The following PCDHA2 variants were observed in gnomAD, a reference collection of about 807,000 sequenced individuals.
PCDHA2 encodes protocadherin alpha 2.
A neutral mutation model predicts 66.0 loss-of-function variants in PCDHA2; 58 were observed. That is an observed-to-expected ratio of 0.88 (90% CI 0.71 to 1.09). PCDHA2 has a LOEUF of 1.09. PCDHA2 is among the 50% of genes least tolerant of loss of function. PCDHA2 has a pLI of 0.00. For synonymous variants in PCDHA2, 634 were observed against 554.0 expected, an observed-to-expected ratio of 1.14 and a Z score of -2.03; for missense variants, 1,267 against 1,242.3, an observed-to-expected ratio of 1.02 and a Z score of -0.30.
intron 1 of PCDHA2, chr5:140,883,882 C>T (rs200536915): frequency 6.8e-6 from 11 of 1,613,068 alleles, no homozygotes; most frequent in Middle Eastern, 1.7e-4. Flanking sequence ...TGAGCGCGCG[C>T]GACTCTGGCG....
At chr5:140,868,317 C>G (rs2050392446) in intron 1 of PCDHA2, 2 of 151,824 alleles carry the variant, frequency 1.3e-5, no homozygotes, top group South Asian at 4.2e-4. Context: ...TCATATTGTT[C>G]TGCAATGAAT....
At chr5:140,864,746 A>G (rs989903827) in intron 1 of PCDHA2, 1 of 152,144 alleles carries the variant, frequency 6.6e-6, no homozygotes, top group Admixed American at 6.5e-5. Context: ...AGCACCGATT[A>G]TACTCATTTT....
intron 1 of PCDHA2, chr5:140,868,832 C>T: frequency 2.4e-6 from 1 of 420,492 alleles, no homozygotes; most frequent in Non-Finnish European, 4.1e-6. Context: ...GGAAGAAACC[C>T]AAAACACGTG....
At chr5:140,822,552 A>G (rs2150117268) in intron 1 of PCDHA2, 1 of 1,613,382 alleles carries the variant, frequency 6.2e-7, no homozygotes, top group Non-Finnish European at 8.5e-7. Context: ...GTGGGACATT[A>G]GTTATTAAAC....
At chr5:140,830,536 T>A (rs1771118020) in intron 1 of PCDHA2, 1 of 1,240,846 alleles carries the variant, frequency 8.1e-7, no homozygotes, top group Non-Finnish European at 1.1e-6. Context: ...AATTTATAAT[T>A]GTTTTCCTCA....
chr5:140,794,853 C>A lies in PCDHA2; in HGVS notation c.-112C>A. 8.2e-7 allele frequency: 1 copy of A among 1,221,618 alleles called. No homozygotes were observed. 75.7% of individuals were successfully genotyped at this position (1,221,618 alleles called of 1,614,324 possible). A position where few individuals can be genotyped will look rare whatever the true frequency, so the allele number is the denominator to read the frequency against. On this transcript the variant is annotated 5_prime_UTR_variant, in exon 1 of 4. Transcript: ENST00000526136. ...GAAAATACCCAGAGCCCCTTTGTTA[C>A]TTCAGAGAAGCGGAGGAATAAGAGA... is the stretch of plus-strand genomic sequence containing the variant.
At chr5:140,835,996 G>A (rs782367355) in intron 1 of PCDHA2, 2 of 1,613,272 alleles carry the variant, frequency 1.2e-6, no homozygotes, top group South Asian at 1.1e-5. Flanking sequence ...GTGAGCGCGC[G>A]CGATGCGGGC....
At chr5:140,990,395 G>A (rs916362624) in intron 3 of PCDHA2, among the ~76,000 whole-genome samples, 1 of 152,116 alleles carries the variant, frequency 6.6e-6, no homozygotes, top group Non-Finnish European at 1.5e-5. Flanking sequence ...GTTCCAAGAA[G>A]GTTCACCAGC....
intron 1 of PCDHA2, chr5:140,877,883 A>T: frequency 1.4e-6 from 2 of 1,460,312 alleles, no homozygotes; most frequent in East Asian, 2.5e-5. Context: ...TCCTTGAAGA[A>T]CTTCCGTTTA....
chr5:140,960,467 C>A (rs1554224775), intron 1 of PCDHA2, among the ~76,000 whole-genome samples: 1 of 152,010 alleles, frequency 6.6e-6, no homozygotes, highest in Non-Finnish European at 1.5e-5. Context: ...GAGAAGTAAT[C>A]CTTCTTACAC....
chr5:140,944,099 C>G (rs1585153302), intron 1 of PCDHA2, among the ~76,000 whole-genome samples: 1 of 152,264 alleles, frequency 6.6e-6, no homozygotes, highest in East Asian at 1.9e-4. Context: ...AAGTTTATAT[C>G]TCATGGGAAA....
Position 140,796,758 on chromosome 5 carries a change from C to T in PCDHA2, c.1794C>T (p.Asp598=), listed in dbSNP as rs1554120090. ...GHVVAKVRAV[D]ADSGYNAWLS... The stretch of plus-strand genomic sequence containing the variant: ...TGGTGGCGAAGGTGCGCGCAGTGGA[C>T]GCTGACTCAGGCTACAACGCGTGGC... Residue 598 remains aspartate, a synonymous_variant, in exon 1 of 4, where the codon GAC becomes GAT. Coordinates refer to ENST00000526136, the MANE Select transcript of PCDHA2 (RefSeq NM_018905.3). 4 of 1,614,136 alleles carry T rather than the reference C, an allele frequency of 2.5e-6. No individual in the cohort carries two copies. Among genetic ancestry groups the T allele is most frequent in the South Asian group, 1.1e-5 (1 of 91,086 alleles).
intron 3 of PCDHA2, among the ~76,000 whole-genome samples, chr5:141,007,846 A>G (rs1368916424): frequency 6.6e-6 from 1 of 152,176 alleles, no homozygotes. Flanking sequence ...TAGAGACTCA[A>G]AGTCCTTAAA....
In PCDHA2 at chr5:140,796,554, G is replaced by T; in HGVS notation, c.1590G>T (p.Leu530=). 1 of 1,613,164 alleles carries T rather than the reference G, an allele frequency of 6.2e-7. No homozygotes were observed. Among genetic ancestry groups the T allele is most frequent in the Non-Finnish European group, 8.5e-7 (1 of 1,179,864 alleles). Residue 530 remains leucine, a synonymous_variant, in exon 1 of 4, where the codon CTG becomes CTT. Transcript: ENST00000526136. ...CGCTGGACCACGAGGAAGTGGAGCT[G>T]CTGCAGTTCCAGGTGAGCGCGCGGG... ...LQPLDHEEVE[L]LQFQVSARDA...
intron 1 of PCDHA2, chr5:140,830,356 G>A (rs1771016173): frequency 1.2e-6 from 2 of 1,614,144 alleles, no homozygotes; most frequent in East Asian, 2.2e-5. Flanking sequence ...AGCAGAGGCG[G>A]CAGAGGGTGT....
intron 3 of PCDHA2, among the ~76,000 whole-genome samples, chr5:140,990,586 A>G (rs544396898): frequency 7.2e-5 from 11 of 152,284 alleles, no homozygotes; most frequent in African/African-American, 2.6e-4. Flanking sequence ...CTTTTCCTAT[A>G]ATCACCTGGA....
chr5:140,884,598 C>T (rs782317237), intron 1 of PCDHA2: 4 of 1,614,108 alleles, frequency 2.5e-6, no homozygotes. Flanking sequence ...CCCAGCCTTC[C>T]TCCTTGTCTG....
At chr5:140,895,273 A>T (rs2064941325) in intron 1 of PCDHA2, among the ~76,000 whole-genome samples, 2 of 151,970 alleles carry the variant, frequency 1.3e-5, no homozygotes, top group South Asian at 4.1e-4. Context: ...TTACTCAGGG[A>T]TAATTGAATT....
At chr5:140,948,269 A>G (rs1339240276) in intron 1 of PCDHA2, among the ~76,000 whole-genome samples, 1 of 151,602 alleles carries the variant, frequency 6.6e-6, no homozygotes, top group Non-Finnish European at 1.5e-5. Flanking sequence ...GTTCATGTAG[A>G]ATATCTGTAA....
Sources: gnomAD v4.1 joint callset for allele counts (sites outside exome capture counted in the v4.1 genomes callset) on GRCh38, gnomAD v4.1.1 for gene constraint, MANE v1.5 for transcripts, NCBI Gene and HGNC (gene_info 2026-07-23, HGNC 2026-07-21) for gene names.